The following MARCHF1 variants were observed in gnomAD, a reference collection of about 807,000 sequenced individuals.
MARCHF1 encodes membrane associated ring-CH-type finger 1.
Under a neutral mutation model 54.2 loss-of-function variants are expected in MARCHF1, and 40 were observed. The observed-to-expected ratio is 0.74, with a 90% CI of 0.57 to 0.96. The LOEUF is 0.96. Among genes scored for constraint, MARCHF1 ranks in the 40% least tolerant of loss-of-function variants. MARCHF1 has a pLI of 0.00. For synonymous variants in MARCHF1, 236 were observed against 236.3 expected, an observed-to-expected ratio of 1.00 and a Z score of 0.01; for missense variants, 586 against 656.5, an observed-to-expected ratio of 0.89 and a Z score of 1.17.
chr4:163,955,915 A>G (rs1390591963), intron 3 of MARCHF1, among the ~76,000 whole-genome samples: 3 of 152,286 alleles, frequency 2.0e-5, no homozygotes, highest in Non-Finnish European at 2.9e-5. Context: ...GCTGCTCAAA[A>G]ATTGTCGCAA....
At chr4:163,826,301 C>G (rs899735238) in intron 4 of MARCHF1, among the ~76,000 whole-genome samples, 1 of 151,900 alleles carries the variant, frequency 6.6e-6, no homozygotes, top group Admixed American at 6.6e-5. Context: ...TATTAAGATA[C>G]CTTTGGAGGG....
intron 4 of MARCHF1, among the ~76,000 whole-genome samples, chr4:163,839,852 A>G (rs1749290161): frequency 1.3e-5 from 2 of 152,134 alleles, no homozygotes. Flanking sequence ...GCTTTAAATG[A>G]ATCAACTTAA....
chr4:164,350,939 T>G (rs1487651822), intron 1 of MARCHF1, among the ~76,000 whole-genome samples: 2 of 152,024 alleles, frequency 1.3e-5, no homozygotes, highest in Non-Finnish European at 2.9e-5. Context: ...GGCGAGGCAT[T>G]GCCTCACCTG....
chr4:164,059,534 T>G (rs1262295890), intron 2 of MARCHF1, among the ~76,000 whole-genome samples: 1 of 152,212 alleles, frequency 6.6e-6, no homozygotes, highest in Non-Finnish European at 1.5e-5. Flanking sequence ...TATGAATTTA[T>G]TGGCAGAAAA....
intron 1 of MARCHF1, among the ~76,000 whole-genome samples, chr4:164,211,599 G>C (rs191362801): frequency 2.0e-5 from 3 of 152,060 alleles, no homozygotes; most frequent in South Asian, 4.1e-4. Flanking sequence ...TATGTATAGA[G>C]TGTTTGCCAA....
chr4:164,143,160 T>C (rs1756594482), intron 1 of MARCHF1, among the ~76,000 whole-genome samples: 1 of 151,450 alleles, frequency 6.6e-6, no homozygotes, highest in East Asian at 1.9e-4. Flanking sequence ...CTCCAAGAAA[T>C]ATGGGACTAT....
rs183305760 is a variant in MARCHF1 at position 163,562,937 on chromosome 4, G to A, written c.1192-17194C>T. ...AACTTTAGCTCAGGAACTAAACCCTGCCAAGTGCTTTTACTCTGTCTTCTC... is the reference window on the plus strand; with the variant it reads ...AACTTTAGCTCAGGAACTAAACCCTACCAAGTGCTTTTACTCTGTCTTCTC... On this transcript the variant is annotated intron_variant, in intron 8 of 9. Coordinates refer to ENST00000514618, the MANE Select transcript of MARCHF1 (RefSeq NM_001394959.1). 2.0e-5 allele frequency among the ~76,000 whole-genome samples: 3 copies of A among 152,220 alleles called. No homozygotes were observed. The East Asian group carries it at 5.8e-4, about 29-fold the overall frequency.
intron 1 of MARCHF1, among the ~76,000 whole-genome samples, chr4:164,195,648 T>C (rs1316105822): frequency 6.6e-6 from 1 of 152,200 alleles, no homozygotes; most frequent in Non-Finnish European, 1.5e-5. Flanking sequence ...TTTCATGATC[T>C]ATAAAATAAG....
chr4:164,196,115 C>A (rs1731248616), intron 1 of MARCHF1, among the ~76,000 whole-genome samples: 1 of 152,074 alleles, frequency 6.6e-6, no homozygotes, highest in African/African-American at 2.4e-5. Flanking sequence ...CTATTAGTTT[C>A]ATTCATGTTA....
intron 1 of MARCHF1, among the ~76,000 whole-genome samples, chr4:164,349,966 T>C (rs1730231929): frequency 6.6e-6 from 1 of 152,226 alleles, no homozygotes; most frequent in South Asian, 2.1e-4. Flanking sequence ...TATGATTGTA[T>C]GATTTTGGTC....
At chr4:163,970,670 T>C (rs192089233) in intron 3 of MARCHF1, among the ~76,000 whole-genome samples, 40 of 152,350 alleles carry the variant, frequency 2.6e-4, no homozygotes, top group African/African-American at 9.4e-4. Context: ...TATTGGTATA[T>C]AAAATTCAGG....
intron 2 of MARCHF1, among the ~76,000 whole-genome samples, chr4:164,036,430 A>G (rs996206662): frequency 6.6e-6 from 1 of 152,152 alleles, no homozygotes; most frequent in Non-Finnish European, 1.5e-5. Flanking sequence ...AAACTAACCT[A>G]TAGAATTACC....
chr4:164,349,889 C>A (rs1353372115), intron 1 of MARCHF1, among the ~76,000 whole-genome samples: 1 of 152,102 alleles, frequency 6.6e-6, no homozygotes, highest in Non-Finnish European at 1.5e-5. Flanking sequence ...GACAATGTAA[C>A]ATAGTGGTTA....
rs147973253 is a variant in MARCHF1, at chr4:164,381,036, G to A, written c.-323+2834C>T. Among the ~76,000 whole-genome samples the A allele has an allele frequency of 1.8e-4, 28 of 152,288 alleles. No homozygotes were observed. The East Asian group carries it at 2.9e-3, about 16-fold the overall frequency. The stretch of plus-strand genomic sequence containing the variant: ...ACTGGAACAATGAAAGCAAGAGGTC[G>A]TCAAACAGCATAAACTTATTCTTCA... On this transcript the variant is annotated intron_variant, in intron 1 of 9. Transcript: ENST00000514618.
chr4:163,851,832 A>C (rs768759103), intron 4 of MARCHF1, among the ~76,000 whole-genome samples: 1 of 152,190 alleles, frequency 6.6e-6, no homozygotes, highest in Non-Finnish European at 1.5e-5. Flanking sequence ...CCCTGTGGCC[A>C]TGTGCTTACA....
At chr4:164,064,135 G>C (rs1469631243) in intron 2 of MARCHF1, among the ~76,000 whole-genome samples, 5 of 152,158 alleles carry the variant, frequency 3.3e-5, no homozygotes, top group Non-Finnish European at 7.4e-5. Flanking sequence ...GATTGTCTTG[G>C]CTATTCAGGC....
chr4:164,377,686 T>G (rs923023852), intron 1 of MARCHF1, among the ~76,000 whole-genome samples: 2 of 152,096 alleles, frequency 1.3e-5, no homozygotes, highest in Admixed American at 1.3e-4. Flanking sequence ...TTTTACCAAT[T>G]TATTATGTTT....
chr4:163,548,629 T>C (rs1738992576), intron 8 of MARCHF1, among the ~76,000 whole-genome samples: 2 of 152,190 alleles, frequency 1.3e-5, no homozygotes, highest in Admixed American at 6.5e-5. Flanking sequence ...ACAGGAACCA[T>C]TTAGAAACTC....
chr4:164,101,033 C>A (rs1035023313), intron 2 of MARCHF1, among the ~76,000 whole-genome samples: 2 of 152,236 alleles, frequency 1.3e-5, no homozygotes, highest in African/African-American at 2.4e-5. Flanking sequence ...TCACTCCCAC[C>A]CGAATACTGC....
Sources: gnomAD v4.1 joint callset for allele counts (sites outside exome capture counted in the v4.1 genomes callset) on GRCh38, gnomAD v4.1.1 for gene constraint, MANE v1.5 for transcripts, NCBI Gene and HGNC (gene_info 2026-07-23, HGNC 2026-07-21) for gene names.